CHI3L1: variants seen among roughly 807,000 people sequenced by gnomAD.
The protein encoded by CHI3L1 is chitinase 3 like 1.
Under a neutral mutation model 40.7 loss-of-function variants are expected in CHI3L1, and 30 were observed. The observed-to-expected ratio is 0.74, with a 90% CI of 0.55 to 1.00. The LOEUF (loss-of-function observed/expected upper bound fraction) is 1.00, where lower values mean the gene tolerates loss of function less well. Ranked by LOEUF, CHI3L1 falls within the 50% of genes least tolerant of loss-of-function variation. The pLI is 0.00. For missense variants in CHI3L1, 493 were observed against 492.2 expected, an observed-to-expected ratio of 1.00 and a Z score of -0.01; for synonymous variants, 210 against 192.1, an observed-to-expected ratio of 1.09 and a Z score of -0.77.
intron 4 of CHI3L1, 78 bp from the exon 5 acceptor site, chr1:203,183,869 A>G: frequency 1.3e-6 from 2 of 1,527,946 alleles, no homozygotes; most frequent in Non-Finnish European, 1.8e-6. Flanking sequence ...GGTTTCCAGG[A>G]CCTGCAGAGC....
chr1:203,179,944 C>T (rs1469142889), intron 8 of CHI3L1, 67 bp from the exon 9 acceptor site: 19 of 1,432,904 alleles, frequency 1.3e-5, no homozygotes, highest in Admixed American at 6.9e-5. Context: ...CACCAGGAGA[C>T]GCCACTCTCC....
chr1:203,184,296 A>G (rs1656008094), intron 4 of CHI3L1, among the ~76,000 whole-genome samples: 1 of 152,138 alleles, frequency 6.6e-6, no homozygotes, highest in South Asian at 2.1e-4. Flanking sequence ...GTAGCCCCAG[A>G]AGTCCCATAT....
chr1:203,183,843 C>T (rs1355909901), intron 4 of CHI3L1, 52 bp from the exon 5 acceptor site: 2 of 1,605,124 alleles, frequency 1.2e-6, no homozygotes, highest in African/African-American at 2.7e-5. Flanking sequence ...TGCTAGGTGC[C>T]TTGGGCCTCT....
At position 203,183,168 on chromosome 1, in the gene CHI3L1, G is replaced by A. The variant is rs552072806; in HGVS notation, c.466-316C>T. 9.9e-5 allele frequency among the ~76,000 whole-genome samples: 15 copies of A among 152,238 alleles called. No homozygotes were observed. In the South Asian group the frequency reaches 1.9e-3, roughly 19 times the overall value. ...TGACTTTGGGAGACATTTGCCTTTC[G>A]GTCTGTGCTTTGTTCTAGCTGGTGC... is the stretch of plus-strand genomic sequence containing the variant. On this transcript the variant is annotated intron_variant, in intron 5 of 9. Coordinates refer to ENST00000255409, the MANE Select transcript of CHI3L1 (RefSeq NM_001276.4).
intron 2 of CHI3L1, 91 bp from the exon 3 acceptor site, chr1:203,185,476 T>C: frequency 2.6e-6 from 3 of 1,137,398 alleles, no homozygotes; most frequent in South Asian, 1.3e-5. Flanking sequence ...GGGTGTGGGG[T>C]TGGGTAGGGA....
chr1:203,181,921 G>A (rs1028829265), intron 6 of CHI3L1: 4 of 152,488 alleles, frequency 2.6e-5, no homozygotes, highest in African/African-American at 9.7e-5. Context: ...AGCATCAACA[G>A]ACAGCCTGGC....
chr1:203,181,530 A>G (rs1302516869), intron 6 of CHI3L1: 2 of 336,474 alleles, frequency 5.9e-6, no homozygotes, highest in Admixed American at 9.0e-5. Flanking sequence ...CTGAGGCAGG[A>G]GAATCGCTTG....
chr1:203,179,971 C>G (rs1655899874), intron 8 of CHI3L1, 94 bp from the exon 9 acceptor site: 3 of 1,092,440 alleles, frequency 2.7e-6, no homozygotes, highest in Non-Finnish European at 4.1e-6. Context: ...CTTTTAGCTC[C>G]TGCTCCATCC....
In CHI3L1 at chr1:203,185,389, AAGG is replaced by A. The variant is rs1284256489; in HGVS notation, c.56-7_56-5del. 6.2e-7 allele frequency: 1 copy of A among 1,613,820 alleles called. No individual in the cohort carries two copies. Among genetic ancestry groups the A allele is most frequent in the East Asian group, 2.2e-5 (1 of 44,878 alleles). ...CAGACCAGTTTGTATGCAGAGCCTG[AAGG>A]AGAAGTCTGGGATGGGGCCCGGGCC... On this transcript the variant is annotated splice_polypyrimidine_tract_variant and splice_region_variant and intron_variant, in intron 2 of 9. Coordinates refer to ENST00000255409, the MANE Select transcript of CHI3L1 (RefSeq NM_001276.4).
In CHI3L1 at chr1:203,179,775, T is replaced by C. The variant is rs1438794796; in HGVS notation, c.997A>G (p.Ser333Gly). 1 of 1,614,220 alleles carries C rather than the reference T, an allele frequency of 6.2e-7. No homozygotes were observed. Among genetic ancestry groups the C allele is most frequent in the Non-Finnish European group, 8.5e-7 (1 of 1,180,032 alleles). The change falls in exon 9 of 10, where the codon AGC becomes GGC. Residue 333 changes from serine (S) to glycine (G), a missense_variant. Physicochemically the swap from Ser to Gly is moderately conservative, Grantham distance 56. Transcript: ENST00000255409. ...GGGAAACCTACCTTGCTTTTGACGC[T>C]TTCCTGGTCGTCGTATCCTACCCAC... is the stretch of plus-strand genomic sequence containing the variant. ...NQWVGYDDQE[S>G]VKSKVQYLKD...
intron 6 of CHI3L1, chr1:203,181,604 C>CA (rs894906425): frequency 6.0e-5 from 11 of 183,286 alleles, no homozygotes; most frequent in South Asian, 2.1e-4. Context: ...GATTTTGTCT[C>CA]AAAAAAAAGT....
In CHI3L1 at chr1:203,180,511, C is replaced by G. The variant is rs1466518372; in HGVS notation, c.853G>C (p.Gly285Arg). The G allele has an allele frequency of 6.2e-7, 1 of 1,608,682 alleles. No homozygotes were observed. Among genetic ancestry groups the G allele is most frequent in the East Asian group, 2.2e-5 (1 of 44,456 alleles). ...GAPISGPGIP[G>R]RFTKEAGTLA... ...GTCCCTGCCTCCTTGGTGAACCGGCCTGGAATTCCCGGTCCTGAGATTGGG... is the reference window on the plus strand; with the variant it reads ...GTCCCTGCCTCCTTGGTGAACCGGCGTGGAATTCCCGGTCCTGAGATTGGG... Residue 285 changes from glycine (G) to arginine (R), a missense_variant, in exon 8 of 10, where the codon GGC becomes CGC. By Grantham distance (125) the Gly-to-Arg change is moderately radical (BLOSUM62 -2). Transcript: ENST00000255409.
chr1:203,179,758 T>C lies in CHI3L1; in HGVS notation c.1011+3A>G. On this transcript the variant is annotated splice_donor_region_variant and intron_variant, in intron 9 of 9. Transcript: ENST00000255409. ...CCTGAGGTGTGGCCTTGGGGAAACCTACCTTGCTTTTGACGCTTTCCTGGT... is the reference window on the plus strand; with the variant it reads ...CCTGAGGTGTGGCCTTGGGGAAACCCACCTTGCTTTTGACGCTTTCCTGGT... 1 of 1,614,208 alleles carries C rather than the reference T, an allele frequency of 6.2e-7. No individual in the cohort carries two copies. Among genetic ancestry groups the C allele is most frequent in the African/African-American group, 1.3e-5 (1 of 75,046 alleles).
At chr1:203,180,734 A>G in intron 7 of CHI3L1, 82 bp from the exon 8 acceptor site, 1 of 1,054,878 alleles carries the variant, frequency 9.5e-7, no homozygotes, top group East Asian at 2.7e-5. Flanking sequence ...CTGCCTTAGC[A>G]GGGGTTATTG....
chr1:203,181,209 G>C lies in CHI3L1; in HGVS notation c.664C>G (p.Leu222Val). Residue 222 changes from leucine (L) to valine (V), a missense_variant, in exon 7 of 10, where the codon CTG (leucine) becomes GTG (valine). By Grantham distance (32) the Leu-to-Val change is conservative (BLOSUM62 1). Transcript: ENST00000255409. ...WRGTTGHHSP[L>V]FRGQEDASPD... ...CTTGCATCCTCCTGACCTCGGAACA[G>C]GGGACTGTGATGGCCTGTGGTCCCA... The C allele has an allele frequency of 1.2e-6, 2 of 1,614,206 alleles. No homozygotes were observed. Among genetic ancestry groups the C allele is most frequent in the Non-Finnish European group, 1.7e-6 (2 of 1,180,008 alleles).
chr1:203,183,553 A>C, intron 5 of CHI3L1, 88 bp downstream of exon 5: 1 of 1,367,616 alleles, frequency 7.3e-7, no homozygotes, highest in Non-Finnish European at 1.0e-6. Flanking sequence ...ACCTGTCCTC[A>C]GGAGGACAGC....
Position 203,181,437 on chromosome 1 carries a change from A to T in CHI3L1, c.588-152T>A, listed in dbSNP as rs1407489859. 24 of 697,892 alleles carry T rather than the reference A, an allele frequency of 3.4e-5. No individual in the cohort carries two copies. The Admixed American group carries it at 6.9e-4, about 20-fold the overall frequency. 43.2% of individuals were successfully genotyped at this position (697,892 alleles called of 1,614,324 possible). On this transcript the variant is annotated intron_variant, in intron 6 of 9. Transcript: ENST00000255409. Reference sequence around the variant, plus strand: ...GGAGTTCAAGACCAGCCTGGCCAAGATGGTGAAACCCCGTCTCTACTCTAA... The same window carrying T: ...GGAGTTCAAGACCAGCCTGGCCAAGTTGGTGAAACCCCGTCTCTACTCTAA...
Position 203,184,569 on chromosome 1 carries a change from C to G in CHI3L1, c.314+7G>C. 6.2e-7 allele frequency: 1 copy of G among 1,612,950 alleles called. No homozygotes were observed. On this transcript the variant is annotated splice_region_variant and intron_variant, in intron 4 of 9. Transcript: ENST00000255409. ...CTGCCGTCCTGCCCCTGGGGAGAGGCTCCTACCTTTGAGACCCAAAGTTCC... is the reference window on the plus strand; with the variant it reads ...CTGCCGTCCTGCCCCTGGGGAGAGGGTCCTACCTTTGAGACCCAAAGTTCC...
intron 4 of CHI3L1, 148 bp from the exon 5 acceptor site, chr1:203,183,939 G>T: frequency 1.2e-6 from 1 of 821,882 alleles, no homozygotes; most frequent in Non-Finnish European, 1.9e-6. Flanking sequence ...TCGCCTCCAG[G>T]CATGCATGTG....
Sources: allele counts gnomAD v4.1 joint callset (sites outside exome capture counted in the v4.1 genomes callset), GRCh38; gene constraint gnomAD v4.1.1; transcripts MANE v1.5; gene names NCBI Gene and HGNC (gene_info 2026-07-23, HGNC 2026-07-21).